CCDC171: variants seen among roughly 807,000 people sequenced by gnomAD.
CCDC171 encodes the protein coiled-coil domain containing 171.
Under a neutral mutation model 168.2 loss-of-function variants are expected in CCDC171, and 177 were observed. The observed-to-expected ratio is 1.05, with a 90% CI of 0.93 to 1.19. CCDC171 has a LOEUF of 1.19. Among genes scored for constraint, CCDC171 ranks in the 50% most tolerant of loss-of-function variants. The probability of loss-of-function intolerance (pLI) is 0.00; values close to 1 mark genes in which losing one functional copy is unlikely to be tolerated. For synonymous variants in CCDC171, 687 were observed against 540.8 expected (o/e 1.27, Z -3.75); for missense variants, 1,991 against 1,539.0 (o/e 1.29, Z -4.91).
At chr9:15,577,367 A>C (rs1298781262) in intron 3 of CCDC171, among the ~76,000 whole-genome samples, 2 of 152,180 alleles carry the variant, frequency 1.3e-5, no homozygotes, top group Non-Finnish European at 2.9e-5. Flanking sequence ...CAATACTGGC[A>C]TCATAGTTAA....
chr9:16,068,046 A>T, the CCDC171 span, among the ~76,000 whole-genome samples: 3 of 150,952 alleles, frequency 2.0e-5, no homozygotes, highest in East Asian at 5.8e-4. Context: ...ATGATTGTAT[A>T]TCTAGAAAAC....
intron 21 of CCDC171, among the ~76,000 whole-genome samples, chr9:15,841,234 A>C (rs1417569531): frequency 6.6e-6 from 1 of 152,084 alleles, no homozygotes; most frequent in Non-Finnish European, 1.5e-5. Context: ...ATGTGTGATA[A>C]AATAATTTTA....
intron 1 of CCDC171, among the ~76,000 whole-genome samples, chr9:16,044,953 C>T (rs1479836620): frequency 1.3e-5 from 2 of 152,196 alleles, no homozygotes; most frequent in Non-Finnish European, 1.5e-5. Flanking sequence ...ATTGATTCTG[C>T]CCAATCTGGT....
intron 1 of CCDC171, among the ~76,000 whole-genome samples, chr9:15,561,485 A>C (rs2039296752): frequency 6.6e-6 from 1 of 152,174 alleles, no homozygotes; most frequent in Non-Finnish European, 1.5e-5. Context: ...TTTCACAGGG[A>C]AGTTCCAAGT....
intron 18 of CCDC171, among the ~76,000 whole-genome samples, chr9:15,764,338 T>G (rs2056608998): frequency 6.6e-6 from 1 of 152,206 alleles, no homozygotes; most frequent in South Asian, 2.1e-4. Context: ...TATCAGTAGT[T>G]AAAGGTGTAG....
chr9:15,993,890 C>G (rs866919626), intron 3 of CCDC171, among the ~76,000 whole-genome samples: 41 of 152,120 alleles, frequency 2.7e-4, no homozygotes, highest in African/African-American at 9.9e-4. Context: ...CAATGAGATA[C>G]CATCTTACAC....
At chr9:16,108,068 C>T in the CCDC171 span, among the ~76,000 whole-genome samples, 5 of 152,126 alleles carry the variant, frequency 3.3e-5, no homozygotes, top group Admixed American at 6.5e-5. Flanking sequence ...AAACTTCAGT[C>T]GCAAAGTATT....
intron 24 of CCDC171, among the ~76,000 whole-genome samples, chr9:15,897,374 C>T (rs2382554): frequency 0.33 from 49,480 of 151,734 alleles, 10,059 homozygotes; most frequent in East Asian, 0.61. Flanking sequence ...TCTAAGTCTT[C>T]TTCCAAATTA....
At chr9:15,852,893 C>A (rs1434597301) in intron 23 of CCDC171, among the ~76,000 whole-genome samples, 1 of 151,580 alleles carries the variant, frequency 6.6e-6, no homozygotes, top group African/African-American at 2.4e-5. Flanking sequence ...AATCAGTTGA[C>A]TATAGATGTA....
At chr9:15,709,538 G>A (rs2052499043) in intron 11 of CCDC171, among the ~76,000 whole-genome samples, 1 of 152,118 alleles carries the variant, frequency 6.6e-6, no homozygotes, top group Non-Finnish European at 1.5e-5. Flanking sequence ...TGAAACAAAT[G>A]TAATAATTGA....
chr9:16,065,841 T>TGTGTGTGC (rs1015627458), downstream of CCDC171, among the ~76,000 whole-genome samples: 937 of 149,190 alleles, frequency 6.3e-3, 10 homozygotes, highest in African/African-American at 0.021. Context: ...TGTGTGTGTG[T>TGTGTGTGC]GTGCTGATTA....
chr9:15,651,880 A>G (rs569814090), intron 7 of CCDC171, among the ~76,000 whole-genome samples: 1 of 152,178 alleles, frequency 6.6e-6, no homozygotes, highest in South Asian at 2.1e-4. Context: ...GCTATCTGAG[A>G]ATCCATTGCC....
At chr9:16,011,087 C>G (rs1832855922) in intron 3 of CCDC171, among the ~76,000 whole-genome samples, 2 of 152,192 alleles carry the variant, frequency 1.3e-5, no homozygotes. Flanking sequence ...TACTAGAAGC[C>G]TCTTTAATGG....
At chr9:15,754,480 C>T (rs1470698164) in intron 18 of CCDC171, among the ~76,000 whole-genome samples, 1 of 152,132 alleles carries the variant, frequency 6.6e-6, no homozygotes, top group Non-Finnish European at 1.5e-5. Context: ...CCTTATTACT[C>T]ATCTCACTGT....
chr9:15,989,389 A>C (rs1832110308), intron 3 of CCDC171, among the ~76,000 whole-genome samples: 1 of 152,220 alleles, frequency 6.6e-6, no homozygotes, highest in African/African-American at 2.4e-5. Context: ...AGGAAAACTA[A>C]CAAACAGAAA....
intron 9 of CCDC171, among the ~76,000 whole-genome samples, chr9:15,672,187 T>G (rs1459442931): frequency 2.0e-5 from 3 of 152,212 alleles, no homozygotes; most frequent in African/African-American, 4.8e-5. Flanking sequence ...GCCCACTTTT[T>G]GATGGGGTTG....
At chr9:15,719,145 A>G (rs1382990695) in intron 11 of CCDC171, among the ~76,000 whole-genome samples, 1 of 150,748 alleles carries the variant, frequency 6.6e-6, no homozygotes, top group Non-Finnish European at 1.5e-5. Flanking sequence ...ACTGAAATAA[A>G]AAGAATCAAG....
chr9:15,944,679 T>C (rs543346851), intron 25 of CCDC171, among the ~76,000 whole-genome samples: 1 of 152,156 alleles, frequency 6.6e-6, no homozygotes, highest in South Asian at 2.1e-4. Flanking sequence ...AGGTTCCTGT[T>C]ATTATTGTTA....
chr9:15,837,895 T>C (rs904590741), intron 21 of CCDC171, among the ~76,000 whole-genome samples: 2 of 152,228 alleles, frequency 1.3e-5, no homozygotes, highest in African/African-American at 4.8e-5. Flanking sequence ...GTGGTAACTT[T>C]GTTCTACCCT....
Sources: gnomAD v4.1 joint callset for allele counts (sites outside exome capture counted in the v4.1 genomes callset) on GRCh38, gnomAD v4.1.1 for gene constraint, MANE v1.5 for transcripts, NCBI Gene and HGNC (gene_info 2026-07-23, HGNC 2026-07-21) for gene names.